Variants in TNR observed in about 807,000 individuals in gnomAD.
The protein encoded by TNR is tenascin-R.
TNR carries 45 observed loss-of-function variants against 150.4 expected under a neutral mutation model. The observed-to-expected ratio is 0.30, with a 90% CI of 0.24 to 0.38. TNR has a LOEUF of 0.38. TNR is among the 10% of genes least tolerant of loss of function. The pLI is 1.00. For synonymous variants in TNR, 687 were observed against 678.4 expected (o/e 1.01, Z -0.20); for missense variants, 1,544 against 1,759.1 (o/e 0.88, Z 2.19).
intron 2 of TNR, among the ~76,000 whole-genome samples, chr1:175,528,047 A>T (rs1659917022): frequency 6.6e-6 from 1 of 152,208 alleles, no homozygotes; most frequent in Admixed American, 6.5e-5. Flanking sequence ...GAAATATTTT[A>T]TGAGAAGCCA....
chr1:175,387,387 G>A (rs975672825), intron 7 of TNR, among the ~76,000 whole-genome samples: 10 of 152,244 alleles, frequency 6.6e-5, no homozygotes, highest in African/African-American at 1.9e-4. Flanking sequence ...TCTCTAATTA[G>A]CCTGTGTTGG....
chr1:175,503,633 G>T (rs1658830334), intron 2 of TNR, among the ~76,000 whole-genome samples: 1 of 152,146 alleles, frequency 6.6e-6, no homozygotes, highest in Non-Finnish European at 1.5e-5. Flanking sequence ...TTTCCACAAG[G>T]GCAGCTTTCT....
Position 175,322,464 on chromosome 1 carries a change from T to G in TNR, c.*893A>C, listed in dbSNP as rs543672626. 1 of 152,200 alleles carries G rather than the reference T, an allele frequency of 6.6e-6. No homozygotes were observed. Among genetic ancestry groups the G allele is most frequent in the African/African-American group, 2.4e-5 (1 of 41,512 alleles). 9.4% of individuals were successfully genotyped at this position (152,200 alleles called of 1,614,324 possible). ...CTGGTATAATAAGAGTGTCAGAAGA[T>G]GAGAATCTTTGGCCCATTATAAAGG... On this transcript the variant is annotated 3_prime_UTR_variant, in exon 23 of 23. Coordinates refer to ENST00000367674, the MANE Select transcript of TNR (RefSeq NM_003285.3).
chr1:175,514,535 G>T (rs939662264), intron 2 of TNR, among the ~76,000 whole-genome samples: 1 of 152,216 alleles, frequency 6.6e-6, no homozygotes, highest in African/African-American at 2.4e-5. Context: ...CCTTCCAGCA[G>T]CTGGACTATT....
At chr1:175,504,626 C>A (rs562413265) in intron 2 of TNR, among the ~76,000 whole-genome samples, 1 of 152,244 alleles carries the variant, frequency 6.6e-6, no homozygotes, top group East Asian at 1.9e-4. Context: ...GTGGGTCACT[C>A]CCCTCCCCAA....
intron 1 of TNR, among the ~76,000 whole-genome samples, chr1:175,683,686 G>A (rs1431467825): frequency 6.6e-6 from 1 of 152,206 alleles, no homozygotes; most frequent in African/African-American, 2.4e-5. Context: ...GCAGTGGGAG[G>A]GGGAGGGGAG....
rs1649009810 is a variant in TNR at position 175,320,977 on chromosome 1, G to A, written c.*2380C>T. 6.6e-6 allele frequency: 1 copy of A among 152,126 alleles called. No individual in the cohort carries two copies. Among genetic ancestry groups the A allele is most frequent in the South Asian group, 2.1e-4 (1 of 4,828 alleles). The allele number at this position is 152,126 out of a possible 1,614,324, so 9.4% of individuals were successfully genotyped here. A position where few individuals can be genotyped will look rare whatever the true frequency, so the allele number is the denominator to read the frequency against. On this transcript the variant is annotated 3_prime_UTR_variant, in exon 23 of 23. Coordinates refer to ENST00000367674, the MANE Select transcript of TNR (RefSeq NM_003285.3). ...CTCATTCTAGTCTAATCTCTCATCT[G>A]ACAGATGAAGAAACTGGCCCAGAGA...
intron 1 of TNR, among the ~76,000 whole-genome samples, chr1:175,665,341 T>C (rs888241903): frequency 6.6e-6 from 1 of 152,182 alleles, no homozygotes; most frequent in Non-Finnish European, 1.5e-5. Flanking sequence ...TAAGAGATAC[T>C]GCCAGGCACA....
At chr1:175,707,313 C>T (rs1231261536) in intron 1 of TNR, among the ~76,000 whole-genome samples, 1 of 152,130 alleles carries the variant, frequency 6.6e-6, no homozygotes, top group Non-Finnish European at 1.5e-5. Context: ...GATTCCTATT[C>T]TATATCTGAC....
At position 175,323,119 on chromosome 1, in the gene TNR, A is replaced by C; in HGVS notation, c.*238T>G. 1 of 408,314 alleles carries C rather than the reference A, an allele frequency of 2.4e-6. No homozygotes were observed. The allele number at this position is 408,314 out of a possible 1,614,324, so 25.3% of individuals were successfully genotyped here. On this transcript the variant is annotated 3_prime_UTR_variant, in exon 23 of 23. Transcript: ENST00000367674. ...TTCCTACTTCTCCTCCTTGGTGGGA[A>C]AGGAGGTGAAGGTTGAGGAGGCCTG... is the stretch of plus-strand genomic sequence containing the variant.
chr1:175,427,889 G>GCCTC, intron 2 of TNR, among the ~76,000 whole-genome samples: 1 of 111,544 alleles, frequency 9.0e-6, no homozygotes, highest in South Asian at 3.4e-4. Context: ...TCCCTTCTTC[G>GCCTC]CTTCCTTCCT....
At chr1:175,722,026 C>T (rs1667319855) in intron 1 of TNR, among the ~76,000 whole-genome samples, 1 of 152,134 alleles carries the variant, frequency 6.6e-6, no homozygotes, top group African/African-American at 2.4e-5. Context: ...TTACCCATCC[C>T]AGGATTGCAA....
At chr1:175,690,654 G>A (rs1373793274) in intron 1 of TNR, among the ~76,000 whole-genome samples, 1 of 152,222 alleles carries the variant, frequency 6.6e-6, no homozygotes, top group Non-Finnish European at 1.5e-5. Context: ...AAGTGCCAGG[G>A]GGAGCCATTT....
At chr1:175,380,657 A>G (rs1486299367) in intron 8 of TNR, among the ~76,000 whole-genome samples, 1 of 151,962 alleles carries the variant, frequency 6.6e-6, no homozygotes, top group Non-Finnish European at 1.5e-5. Flanking sequence ...ATCAACCACA[A>G]TGCTTGTTCT....
chr1:175,530,627 T>C (rs1179851227), intron 1 of TNR, among the ~76,000 whole-genome samples: 1 of 152,236 alleles, frequency 6.6e-6, no homozygotes, highest in Non-Finnish European at 1.5e-5. Context: ...TGACTTAACA[T>C]ACAAACATCA....
At chr1:175,731,291 C>A (rs1667633934) in intron 1 of TNR, among the ~76,000 whole-genome samples, 1 of 152,214 alleles carries the variant, frequency 6.6e-6, no homozygotes, top group South Asian at 2.1e-4. Context: ...GATCTCAATT[C>A]TGTCACTGTT....
At chr1:175,572,528 C>T (rs560751067) in intron 1 of TNR, among the ~76,000 whole-genome samples, 25 of 152,084 alleles carry the variant, frequency 1.6e-4, no homozygotes, top group Middle Eastern at 3.4e-3. Flanking sequence ...ACCTTTGATG[C>T]GGGTCACATC....
intron 1 of TNR, among the ~76,000 whole-genome samples, chr1:175,568,331 G>A (rs965180974): frequency 6.8e-6 from 1 of 147,498 alleles, no homozygotes; most frequent in African/African-American, 2.5e-5. Flanking sequence ...TTTCCTTGTT[G>A]ATAGCTAGTT....
chr1:175,386,162 G>C lies in TNR; in HGVS notation c.1647C>G (p.Thr549=). ...GLVGGEGGRT[T]FRLQPPLSQY... ...GGCTCAGGGGAGGCTGCAGCCGGAA[G>C]GTGGTCCTCCCACCTTCCCCGCCCA... The change falls in exon 8 of 23, where the codon ACC becomes ACG. Residue 549 remains threonine (T), a synonymous_variant. Coordinates refer to ENST00000367674, the MANE Select transcript of TNR (RefSeq NM_003285.3). 3.1e-6 allele frequency: 5 copies of C among 1,613,016 alleles called. No individual in the cohort carries two copies. The highest frequency in any genetic ancestry group is 4.2e-6 in the Non-Finnish European group (5 of 1,179,152).
Sources: allele counts gnomAD v4.1 joint callset (sites outside exome capture counted in the v4.1 genomes callset), GRCh38; gene constraint gnomAD v4.1.1; transcripts MANE v1.5; gene names NCBI Gene and HGNC (gene_info 2026-07-23, HGNC 2026-07-21).